Variants in SMYD3 observed in about 807,000 individuals in gnomAD.
SMYD3 encodes the protein histone-lysine N-methyltransferase SMYD3.
Under a neutral mutation model 57.7 loss-of-function variants are expected in SMYD3, and 36 were observed. The ratio of observed to expected loss-of-function variants is 0.62; its 90% confidence interval spans 0.48 to 0.82. The LOEUF is 0.82. Ranked by LOEUF, SMYD3 falls within the 40% of genes least tolerant of loss-of-function variation. The pLI is 0.00. For missense variants in SMYD3, 515 were observed against 538.8 expected (o/e 0.96, Z 0.44); for synonymous variants, 211 against 195.0 (o/e 1.08, Z -0.68).
At chr1:246,205,139 A>G (rs1375810703) in intron 5 of SMYD3, among the ~76,000 whole-genome samples, 1 of 152,210 alleles carries the variant, frequency 6.6e-6, no homozygotes, top group Non-Finnish European at 1.5e-5. Context: ...ATGACAATAA[A>G]AGAAGTTTTG....
intron 5 of SMYD3, among the ~76,000 whole-genome samples, chr1:245,977,587 G>A (rs1394360642): frequency 6.6e-6 from 1 of 152,188 alleles, no homozygotes; most frequent in African/African-American, 2.4e-5. Context: ...GCTGAGGCAG[G>A]AGAATTACAT....
chr1:246,323,031 G>C (rs991320330), intron 5 of SMYD3, among the ~76,000 whole-genome samples: 1 of 152,210 alleles, frequency 6.6e-6, no homozygotes, highest in Non-Finnish European at 1.5e-5. Flanking sequence ...CTCCCCAACA[G>C]CATTTCTAGA....
intron 5 of SMYD3, among the ~76,000 whole-genome samples, chr1:246,184,230 T>G (rs2062597714): frequency 6.6e-6 from 1 of 152,172 alleles, no homozygotes; most frequent in Admixed American, 6.5e-5. Context: ...AATCTAAATA[T>G]ATATATCATG....
At chr1:246,297,567 A>T (rs2064819457) in intron 5 of SMYD3, among the ~76,000 whole-genome samples, 1 of 152,166 alleles carries the variant, frequency 6.6e-6, no homozygotes, top group Non-Finnish European at 1.5e-5. Context: ...TTAAAAGGAC[A>T]AGAGCATTTG....
At chr1:245,998,769 A>G (rs6663184) in intron 5 of SMYD3, among the ~76,000 whole-genome samples, 22,820 of 152,246 alleles carry the variant, frequency 0.15, 2,212 homozygotes, top group East Asian at 0.44. Context: ...GTCCGTCATC[A>G]GATGAACAGA....
intron 2 of SMYD3, among the ~76,000 whole-genome samples, chr1:246,336,706 G>A (rs993877600): frequency 6.6e-6 from 1 of 152,086 alleles, no homozygotes; most frequent in Non-Finnish European, 1.5e-5. Context: ...CAATCCAAAT[G>A]GTAGGTATTA....
intron 5 of SMYD3, among the ~76,000 whole-genome samples, chr1:246,231,835 AC>A (rs1167085746): frequency 2.0e-5 from 3 of 152,218 alleles, no homozygotes; most frequent in Non-Finnish European, 4.4e-5. Flanking sequence ...GAAGGGTACA[AC>A]CAATGTTTAT....
intron 5 of SMYD3, among the ~76,000 whole-genome samples, chr1:246,229,265 C>T (rs550823702): frequency 3.9e-5 from 6 of 152,070 alleles, no homozygotes; most frequent in Non-Finnish European, 7.4e-5. Context: ...TATCATCCTG[C>T]AATAATTCTT....
At chr1:246,236,931 C>G (rs993698237) in intron 5 of SMYD3, among the ~76,000 whole-genome samples, 1 of 152,202 alleles carries the variant, frequency 6.6e-6, no homozygotes, top group African/African-American at 2.4e-5. Flanking sequence ...CAAGAGGTCT[C>G]GGGCTCACTG....
chr1:246,330,695 TCAA>T (rs1464544253), intron 3 of SMYD3, among the ~76,000 whole-genome samples, 158 bp from the exon 4 acceptor site: 1 of 152,248 alleles, frequency 6.6e-6, no homozygotes, highest in Non-Finnish European at 1.5e-5. Flanking sequence ...ACTGAATTAA[TCAA>T]CAACTTTAAA....
intron 5 of SMYD3, among the ~76,000 whole-genome samples, chr1:246,304,001 G>C (rs1253125775): frequency 6.6e-6 from 1 of 152,198 alleles, no homozygotes; most frequent in Non-Finnish European, 1.5e-5. Context: ...CTGGAATCCA[G>C]TTGGAAATAA....
intron 1 of SMYD3, among the ~76,000 whole-genome samples, chr1:246,366,626 G>A (rs1331468047): frequency 1.3e-5 from 2 of 150,866 alleles, no homozygotes; most frequent in Non-Finnish European, 2.9e-5. Context: ...TCAGTGACAC[G>A]CTTGGGGAGC....
At chr1:246,474,056 T>G (rs1405667028) in intron 1 of SMYD3, among the ~76,000 whole-genome samples, 1 of 152,262 alleles carries the variant, frequency 6.6e-6, no homozygotes, top group Non-Finnish European at 1.5e-5. Context: ...TTTAATCTAA[T>G]CCTATAACAT....
chr1:245,877,808 G>C (rs1036067689), intron 8 of SMYD3, among the ~76,000 whole-genome samples: 1 of 152,170 alleles, frequency 6.6e-6, no homozygotes, highest in Admixed American at 6.5e-5. Flanking sequence ...GAGAATCCAG[G>C]TACAGTTACC....
intron 1 of SMYD3, among the ~76,000 whole-genome samples, chr1:246,498,499 C>T (rs1289876147): frequency 3.9e-5 from 6 of 151,984 alleles, no homozygotes; most frequent in Admixed American, 6.5e-5. Flanking sequence ...TTTGGGAGGC[C>T]GAGGCGGGTG....
chr1:246,118,014 A>G (rs1381221410), intron 5 of SMYD3, among the ~76,000 whole-genome samples: 3 of 152,206 alleles, frequency 2.0e-5, no homozygotes, highest in Non-Finnish European at 4.4e-5. Context: ...TGTAATGCTG[A>G]TAATGAACTT....
chr1:246,408,274 A>G (rs541390769), intron 1 of SMYD3, among the ~76,000 whole-genome samples: 33 of 152,278 alleles, frequency 2.2e-4, no homozygotes, highest in African/African-American at 7.5e-4. Context: ...TTGGGTCATT[A>G]TATTGCTATT....
chr1:246,245,370 G>T (rs2063685209), intron 5 of SMYD3, among the ~76,000 whole-genome samples: 1 of 152,070 alleles, frequency 6.6e-6, no homozygotes, highest in South Asian at 2.1e-4. Flanking sequence ...TTGAACCTGG[G>T]AAGCAGAGGC....
chr1:246,490,574 A>C (rs2068253750), intron 1 of SMYD3, among the ~76,000 whole-genome samples: 3 of 152,176 alleles, frequency 2.0e-5, no homozygotes, highest in Admixed American at 2.0e-4. Flanking sequence ...CCTAAATTCC[A>C]CCGACCAATC....
Sources: allele counts gnomAD v4.1 joint callset (sites outside exome capture counted in the v4.1 genomes callset), GRCh38; gene constraint gnomAD v4.1.1; transcripts MANE v1.5; gene names NCBI Gene and HGNC (gene_info 2026-07-23, HGNC 2026-07-21).